The following MYLK variants were observed in gnomAD, a reference collection of about 807,000 sequenced individuals.
MYLK encodes the protein myosin light chain kinase, also known as myosin light chain kinase, smooth muscle.
In MYLK, 106 loss-of-function variants were observed where a neutral mutation model predicts 203.4. That is an observed-to-expected ratio of 0.52 (90% CI 0.45 to 0.61). The LOEUF (loss-of-function observed/expected upper bound fraction) is 0.61, where lower values mean the gene tolerates loss of function less well. Ranked by LOEUF, MYLK falls within the 20% of genes least tolerant of loss-of-function variation. The probability of loss-of-function intolerance (pLI) is 0.00; values close to 1 mark genes in which losing one functional copy is unlikely to be tolerated. For synonymous variants in MYLK, 867 were observed against 959.5 expected (o/e 0.90, Z 1.78); for missense variants, 2,072 against 2,442.3 (o/e 0.85, Z 3.20).
intron 3 of MYLK, among the ~76,000 whole-genome samples, chr3:123,810,798 A>G (rs1005882084): frequency 6.6e-6 from 1 of 152,232 alleles, no homozygotes; most frequent in South Asian, 2.1e-4. Flanking sequence ...CTGTCTCCCA[A>G]AGGACACCCT....
chr3:123,819,790 T>C (rs934299583), intron 3 of MYLK, among the ~76,000 whole-genome samples: 25 of 101,858 alleles, frequency 2.5e-4, no homozygotes, highest in Admixed American at 5.5e-4. Flanking sequence ...AAGCCTCCTT[T>C]TTTTTTTTTT....
intron 4 of MYLK, among the ~76,000 whole-genome samples, chr3:123,781,526 C>T (rs2064298617): frequency 6.6e-6 from 1 of 152,224 alleles, no homozygotes; most frequent in African/African-American, 2.4e-5. Flanking sequence ...GCACTCTCTA[C>T]CCTCTAACAA....
At chr3:123,730,575 T>C (rs1301962952) in intron 11 of MYLK, among the ~76,000 whole-genome samples, 1 of 152,188 alleles carries the variant, frequency 6.6e-6, no homozygotes, top group Non-Finnish European at 1.5e-5. Flanking sequence ...TTCAGCCACA[T>C]GGATGAATGA....
At chr3:123,792,795 A>G (rs1011232898) in intron 4 of MYLK, among the ~76,000 whole-genome samples, 2 of 152,180 alleles carry the variant, frequency 1.3e-5, no homozygotes, top group African/African-American at 2.4e-5. Context: ...GAACATCACT[A>G]ACATCCCCAA....
chr3:123,735,662 G>T, intron 8 of MYLK: 1 of 497,750 alleles, frequency 2.0e-6, no homozygotes, highest in South Asian at 2.6e-5. Flanking sequence ...CATGGAATCT[G>T]TTTCTGTTCA....
At chr3:123,678,150 G>A (rs1334957437) in intron 20 of MYLK, among the ~76,000 whole-genome samples, 3 of 151,742 alleles carry the variant, frequency 2.0e-5, no homozygotes, top group African/African-American at 7.3e-5. Context: ...AGCTCCTAAG[G>A]TGCTCCCAGT....
intron 31 of MYLK, chr3:123,624,336 A>AG (rs1420469004): frequency 6.6e-6 from 1 of 151,472 alleles, no homozygotes; most frequent in East Asian, 1.9e-4. Context: ...TTAAAAAAAA[A>AG]AAAAAAAATC....
At chr3:123,739,390 C>T (rs1200867935) in intron 6 of MYLK, among the ~76,000 whole-genome samples, 1 of 152,232 alleles carries the variant, frequency 6.6e-6, no homozygotes, top group Non-Finnish European at 1.5e-5. Flanking sequence ...ACTTCCAGGG[C>T]CGACTCATAA....
intron 4 of MYLK, among the ~76,000 whole-genome samples, chr3:123,787,132 T>C (rs2109064961): frequency 6.6e-6 from 1 of 152,322 alleles, no homozygotes; most frequent in East Asian, 1.9e-4. Flanking sequence ...TCTTATATGA[T>C]TATTGTGAAT....
Position 123,665,193 on chromosome 3 carries a change from C to T in MYLK, c.3832-935G>A, listed in dbSNP as rs2059696447. On this transcript the variant is annotated intron_variant, in intron 22 of 33. Transcript: ENST00000360304. ...AATTAAATATTCAGTTCCTCAGTTG[C>T]ACTAGCCACATTTCAAGTGCTCAAT... Among the ~76,000 whole-genome samples the T allele has an allele frequency of 2.0e-5, 3 of 152,264 alleles. No individual in the cohort carries two copies. In the South Asian group the frequency reaches 6.2e-4, roughly 32 times the overall value.
intron 13 of MYLK, 52 bp downstream of exon 13, chr3:123,722,076 C>G: frequency 6.5e-7 from 1 of 1,549,494 alleles, no homozygotes. Flanking sequence ...TCCTCCAAAG[C>G]AGAAGTGCCT....
chr3:123,823,088 A>C (rs1293985615), intron 3 of MYLK, among the ~76,000 whole-genome samples: 2 of 152,152 alleles, frequency 1.3e-5, no homozygotes, highest in Non-Finnish European at 2.9e-5. Flanking sequence ...CTGCACTAAC[A>C]CATTAACATA....
At chr3:123,669,744 A>G (rs1304305770) in intron 20 of MYLK, among the ~76,000 whole-genome samples, 1 of 152,124 alleles carries the variant, frequency 6.6e-6, no homozygotes, top group Non-Finnish European at 1.5e-5. Context: ...AGAATATATG[A>G]AAAAGCAAGG....
chr3:123,616,478 A>G (rs1212929039), intron 33 of MYLK: 1 of 152,220 alleles, frequency 6.6e-6, no homozygotes, highest in Non-Finnish European at 1.5e-5. Context: ...ATATATATAC[A>G]TACATTTAAA....
Position 123,638,075 on chromosome 3 carries a change from T to C in MYLK, c.4957A>G (p.Ile1653Val). 6.2e-7 allele frequency: 1 copy of C among 1,614,020 alleles called. No homozygotes were observed. Among genetic ancestry groups the C allele is most frequent in the African/African-American group, 1.3e-5 (1 of 75,038 alleles). The part of the protein sequence containing the change: ...DMWSIGVICY[I>V]LVSGLSPFMG... ...ACCAAGTGCCCCAGGACTCACAGGA[T>C]GTAGCAGATGACCCCGATGCTCCAC... The change falls in exon 29 of 34, where the codon ATC becomes GTC. Residue 1653 changes from isoleucine to valine, a missense_variant. Ile to Val is a conservative substitution (Grantham distance 29). This residue lies in a region of MYLK where 524 missense variants were observed against 782.4 expected (regional missense o/e 0.67). Coordinates refer to ENST00000360304, the MANE Select transcript of MYLK (RefSeq NM_053025.4).
chr3:123,765,065 A>T (rs1015389991), intron 4 of MYLK, among the ~76,000 whole-genome samples: 2 of 152,226 alleles, frequency 1.3e-5, no homozygotes, highest in African/African-American at 4.8e-5. Flanking sequence ...AAAGCAATAG[A>T]AAATAACAAG....
chr3:123,807,377 T>C (rs989088654), intron 3 of MYLK, among the ~76,000 whole-genome samples: 2 of 151,518 alleles, frequency 1.3e-5, no homozygotes, highest in Non-Finnish European at 2.9e-5. Flanking sequence ...TGCAGTGGGC[T>C]GAGACAGTGC....
At chr3:123,826,004 A>C (rs2066105419) in intron 3 of MYLK, among the ~76,000 whole-genome samples, 1 of 152,156 alleles carries the variant, frequency 6.6e-6, no homozygotes, top group Non-Finnish European at 1.5e-5. Flanking sequence ...ACAGCTCCAT[A>C]ATAGCATCCC....
At chr3:123,673,683 C>T (rs980892926) in intron 20 of MYLK, among the ~76,000 whole-genome samples, 1 of 152,210 alleles carries the variant, frequency 6.6e-6, no homozygotes, top group Non-Finnish European at 1.5e-5. Context: ...TAACTAGTTT[C>T]CTCTCCTCTG....
Sources: gnomAD v4.1 joint callset for allele counts (sites outside exome capture counted in the v4.1 genomes callset) on GRCh38, gnomAD v4.1.1 for gene constraint, gnomAD v4.1.1 regional missense constraint, MANE v1.5 for transcripts, NCBI Gene and HGNC (gene_info 2026-07-23, HGNC 2026-07-21) for gene names.